The following CNTNAP2 variants were observed in gnomAD, a reference collection of about 807,000 sequenced individuals.
CNTNAP2 encodes the protein contactin associated protein 2, also known as contactin-associated protein-like 2.
A neutral mutation model predicts 155.2 loss-of-function variants in CNTNAP2; 98 were observed. The observed-to-expected ratio is 0.63, with a 90% CI of 0.54 to 0.75. CNTNAP2 has a LOEUF of 0.75. CNTNAP2 is among the 30% of genes least tolerant of loss of function. CNTNAP2 has a pLI of 0.00. For missense variants in CNTNAP2, 1,727 were observed against 1,688.1 expected (o/e 1.02, Z -0.40); for synonymous variants, 651 against 631.2 (o/e 1.03, Z -0.47).
intron 11 of CNTNAP2, among the ~76,000 whole-genome samples, chr7:147,556,658 C>T (rs1799957417): frequency 6.6e-6 from 1 of 152,072 alleles, no homozygotes; most frequent in Non-Finnish European, 1.5e-5. Context: ...CCTCTATAAT[C>T]TGGAAAAGGC....
At chr7:146,125,664 G>T (rs1311320934) in intron 1 of CNTNAP2, among the ~76,000 whole-genome samples, 3 of 148,862 alleles carry the variant, frequency 2.0e-5, no homozygotes, top group African/African-American at 7.4e-5. Flanking sequence ...AGATAAAAAT[G>T]TGCCGTGGTG....
intron 13 of CNTNAP2, among the ~76,000 whole-genome samples, chr7:147,806,035 A>C (rs943565980): frequency 2.2e-4 from 34 of 152,240 alleles, no homozygotes; most frequent in African/African-American, 3.9e-4. Flanking sequence ...CCACACAGCA[A>C]GGGAGACAAT....
At chr7:148,356,870 T>G (rs532812217) in intron 21 of CNTNAP2, among the ~76,000 whole-genome samples, 1 of 151,830 alleles carries the variant, frequency 6.6e-6, no homozygotes, top group Non-Finnish European at 1.5e-5. Context: ...GATCGAAAAT[T>G]TTATGTTGTT....
At chr7:146,225,417 G>A (rs1458981568) in intron 1 of CNTNAP2, among the ~76,000 whole-genome samples, 1 of 152,122 alleles carries the variant, frequency 6.6e-6, no homozygotes, top group Non-Finnish European at 1.5e-5. Flanking sequence ...CAGATATCTT[G>A]TCAAATGACC....
At chr7:147,078,828 C>T (rs1800050992) in intron 4 of CNTNAP2, among the ~76,000 whole-genome samples, 1 of 151,876 alleles carries the variant, frequency 6.6e-6, no homozygotes, top group African/African-American at 2.4e-5. Context: ...CAGTTCACTG[C>T]AACTTCTGCC....
intron 13 of CNTNAP2, among the ~76,000 whole-genome samples, chr7:147,665,894 C>T (rs1013115273): frequency 1.3e-5 from 2 of 152,034 alleles, no homozygotes; most frequent in Non-Finnish European, 2.9e-5. Flanking sequence ...AGGTTGATTC[C>T]ATGTCTTTGT....
chr7:146,414,628 C>A (rs1296366179), intron 1 of CNTNAP2, among the ~76,000 whole-genome samples: 1 of 151,796 alleles, frequency 6.6e-6, no homozygotes, highest in Non-Finnish European at 1.5e-5. Flanking sequence ...TCCTATAGAT[C>A]TATAAGGGGT....
At chr7:147,521,815 T>C (rs1022688000) in intron 11 of CNTNAP2, among the ~76,000 whole-genome samples, 3 of 152,160 alleles carry the variant, frequency 2.0e-5, no homozygotes, top group Non-Finnish European at 2.9e-5. Context: ...TTGAATATGC[T>C]TATCTGTGAA....
At chr7:147,952,700 A>G (rs780574618) in intron 14 of CNTNAP2, among the ~76,000 whole-genome samples, 10 of 152,202 alleles carry the variant, frequency 6.6e-5, no homozygotes, top group Non-Finnish European at 7.3e-5. Context: ...ATATGCACAT[A>G]CACACACAGA....
chr7:146,620,615 A>G (rs1403294404), intron 1 of CNTNAP2, among the ~76,000 whole-genome samples: 1 of 152,142 alleles, frequency 6.6e-6, no homozygotes, highest in Non-Finnish European at 1.5e-5. Flanking sequence ...AGCCTTTTTT[A>G]AGTCCTTAAA....
intron 1 of CNTNAP2, among the ~76,000 whole-genome samples, chr7:146,184,185 G>T (rs1257265143): frequency 6.6e-6 from 1 of 152,174 alleles, no homozygotes; most frequent in South Asian, 2.1e-4. Flanking sequence ...CTTAGGTGCT[G>T]TACTGAACTT....
intron 2 of CNTNAP2, among the ~76,000 whole-genome samples, chr7:146,800,208 T>A (rs1310782976): frequency 6.6e-6 from 1 of 152,084 alleles, no homozygotes; most frequent in Non-Finnish European, 1.5e-5. Context: ...TTAAAGGGAC[T>A]TTTTTACTGA....
intron 13 of CNTNAP2, among the ~76,000 whole-genome samples, chr7:147,736,055 C>G (rs1341037669): frequency 6.9e-6 from 1 of 145,134 alleles, no homozygotes; most frequent in Admixed American, 7.0e-5. Flanking sequence ...TGAACTTGAT[C>G]CTGTCATTAT....
Position 148,007,276 on chromosome 7 carries a change from G to A in CNTNAP2, c.2383+29287G>A, listed in dbSNP as rs201291149. ...AATGTAGGACTTCGTTGTACTTGGG[G>A]GATTACTTCAATTGCCTTAATAGTC... On this transcript the variant is annotated intron_variant, in intron 15 of 23. Transcript: ENST00000361727. Among the ~76,000 whole-genome samples the A allele has an allele frequency of 1.5e-4, 22 of 143,390 alleles. No individual in the cohort carries two copies. The East Asian group carries it at 4.1e-3, about 27-fold the overall frequency. 94.1% of individuals were successfully genotyped at this position (143,390 alleles called of 152,430 possible).
At chr7:146,391,681 T>TACA (rs1795546213) in intron 1 of CNTNAP2, among the ~76,000 whole-genome samples, 3 of 152,212 alleles carry the variant, frequency 2.0e-5, no homozygotes, top group Non-Finnish European at 4.4e-5. Context: ...TTTGGTTTTC[T>TACA]GTTCCCGCAT....
chr7:147,853,417 T>C (rs1798984496), intron 13 of CNTNAP2, among the ~76,000 whole-genome samples: 1 of 152,250 alleles, frequency 6.6e-6, no homozygotes. Flanking sequence ...TTTAAATCTT[T>C]AACAATGGTT....
intron 13 of CNTNAP2, among the ~76,000 whole-genome samples, chr7:147,893,805 T>G (rs1448184682): frequency 6.6e-6 from 1 of 152,178 alleles, no homozygotes; most frequent in African/African-American, 2.4e-5. Flanking sequence ...ATCTTGGAAG[T>G]GATTCTGTGC....
chr7:148,402,459 T>TTTA (rs1799608723), intron 22 of CNTNAP2, among the ~76,000 whole-genome samples: 1 of 152,208 alleles, frequency 6.6e-6, no homozygotes. Flanking sequence ...AAAATGTGAT[T>TTTA]AGCAGGGATC....
intron 3 of CNTNAP2, among the ~76,000 whole-genome samples, chr7:147,034,900 G>A (rs914168578): frequency 1.3e-5 from 2 of 152,314 alleles, no homozygotes; most frequent in Admixed American, 1.3e-4. Context: ...GAGGGCCAGA[G>A]TGGTCTTAGA....
Sources: allele counts gnomAD v4.1 joint callset (sites outside exome capture counted in the v4.1 genomes callset), GRCh38; gene constraint gnomAD v4.1.1; transcripts MANE v1.5; gene names NCBI Gene and HGNC (gene_info 2026-07-23, HGNC 2026-07-21).